The following GNA12 variants were observed in gnomAD, a reference collection of about 807,000 sequenced individuals.
GNA12 encodes the protein guanine nucleotide-binding protein subunit alpha-12.
GNA12 carries 9 observed loss-of-function variants against 26.0 expected under a neutral mutation model. The observed-to-expected ratio is 0.35, with a 90% CI of 0.21 to 0.60. The LOEUF is 0.60. Ranked by LOEUF, GNA12 falls within the 20% of genes least tolerant of loss-of-function variation. The probability of loss-of-function intolerance (pLI) is 0.78; values close to 1 mark genes in which losing one functional copy is unlikely to be tolerated. For missense variants in GNA12, 405 were observed against 525.8 expected, an observed-to-expected ratio of 0.77 and a Z score of 2.25; for synonymous variants, 264 against 219.6, an observed-to-expected ratio of 1.20 and a Z score of -1.79.
chr7:2,766,675 C>T (rs778276839), intron 2 of GNA12, among the ~76,000 whole-genome samples: 10 of 152,126 alleles, frequency 6.6e-5, no homozygotes, highest in South Asian at 2.1e-4. Context: ...TGTGAGCCAC[C>T]GCACCTGGCC....
At chr7:2,735,578 A>AT (rs998207845) in intron 2 of GNA12, among the ~76,000 whole-genome samples, 11 of 151,918 alleles carry the variant, frequency 7.2e-5, no homozygotes, top group African/African-American at 2.7e-4. Context: ...GAGTCTAAAC[A>AT]CCCCTCGAGT....
At chr7:2,768,269 G>A (rs999218445) in intron 2 of GNA12, among the ~76,000 whole-genome samples, 17 of 152,174 alleles carry the variant, frequency 1.1e-4, no homozygotes, top group Non-Finnish European at 2.1e-4. Context: ...AATGGTTTCT[G>A]TTTTCCAAGT....
chr7:2,744,149 G>T (rs924245561), intron 2 of GNA12, among the ~76,000 whole-genome samples: 4 of 152,222 alleles, frequency 2.6e-5, no homozygotes, highest in African/African-American at 7.2e-5. Context: ...AAATGTCCCC[G>T]TCTGACAGCT....
At chr7:2,750,445 C>T (rs1362811850) in intron 2 of GNA12, among the ~76,000 whole-genome samples, 1 of 152,210 alleles carries the variant, frequency 6.6e-6, no homozygotes, top group Non-Finnish European at 1.5e-5. Context: ...TCAGTGGATG[C>T]CTGAAGCCTT....
In GNA12 at chr7:2,752,103, T is replaced by C. The variant is rs144993375; in HGVS notation, c.526-18602A>G. 3.8e-3 allele frequency among the ~76,000 whole-genome samples: 572 copies of C among 152,206 alleles called. 5 individuals are homozygous for C. Among genetic ancestry groups the C allele is most frequent in the Non-Finnish European group, 5.8e-3 (392 of 68,004 alleles). On this transcript the variant is annotated intron_variant, in intron 2 of 3. Coordinates refer to ENST00000275364, the MANE Select transcript of GNA12 (RefSeq NM_007353.3). ...AAAGACACAATATCTTTAACAAAACTTTAGCAATTTAAACCTAACTACATA... is the reference window on the plus strand; with the variant it reads ...AAAGACACAATATCTTTAACAAAACCTTAGCAATTTAAACCTAACTACATA...
At chr7:2,784,478 A>G (rs971901178) in intron 2 of GNA12, among the ~76,000 whole-genome samples, 3 of 152,256 alleles carry the variant, frequency 2.0e-5, no homozygotes, top group Non-Finnish European at 1.5e-5. Context: ...AATTACTGCC[A>G]AAGAATAGAA....
rs1243916198 is a variant in GNA12 at position 2,824,946 on chromosome 7, G to A, written c.309+18907C>T. ...GTCCAAGAACCACTTTCCGACTAAAGACAAGGGAGGAGGCCCCTCTCCCTC... is the reference window on the plus strand; with the variant it reads ...GTCCAAGAACCACTTTCCGACTAAAAACAAGGGAGGAGGCCCCTCTCCCTC... On this transcript the variant is annotated intron_variant, in intron 1 of 3. Transcript: ENST00000275364. 2.0e-5 allele frequency among the ~76,000 whole-genome samples: 3 copies of A among 152,074 alleles called. No individual in the cohort carries two copies. In the East Asian group the frequency reaches 5.9e-4, roughly 30 times the overall value.
rs578232050 is a variant in GNA12, at chr7:2,843,785, G to A, written c.309+68C>T. 7.3e-6 allele frequency: 6 copies of A among 826,178 alleles called. No homozygotes were observed. In the South Asian group the frequency reaches 1.3e-4, roughly 18 times the overall value. The allele number at this position is 826,178 out of a possible 1,614,324, so 51.2% of individuals were successfully genotyped here. On this transcript the variant is annotated intron_variant, in intron 1 of 3. Coordinates refer to ENST00000275364, the MANE Select transcript of GNA12 (RefSeq NM_007353.3). The stretch of plus-strand genomic sequence containing the variant: ...CCGCCCGCGGCGGCGGACCACGGAG[G>A]GGCCCGGGGCGGGGGTTAGCGCCCC...
At chr7:2,789,723 C>G (rs1052870459) in intron 2 of GNA12, among the ~76,000 whole-genome samples, 6 of 152,164 alleles carry the variant, frequency 3.9e-5, no homozygotes, top group Non-Finnish European at 7.3e-5. Context: ...CCTAAACCAA[C>G]CACGCACAGC....
At chr7:2,773,969 G>A (rs572517432) in intron 2 of GNA12, among the ~76,000 whole-genome samples, 23 of 152,286 alleles carry the variant, frequency 1.5e-4, no homozygotes, top group Non-Finnish European at 3.1e-4. Flanking sequence ...TGGAAGAACC[G>A]CACAAAACGA....
At chr7:2,825,634 T>C (rs1322957284) in intron 1 of GNA12, among the ~76,000 whole-genome samples, 2 of 152,066 alleles carry the variant, frequency 1.3e-5, no homozygotes, top group South Asian at 2.1e-4. Context: ...ATCGAGCTGA[T>C]GGGAGGCTGA....
intron 1 of GNA12, among the ~76,000 whole-genome samples, chr7:2,829,548 T>C (rs1793555967): frequency 6.6e-6 from 1 of 152,226 alleles, no homozygotes; most frequent in Non-Finnish European, 1.5e-5. Context: ...CATTTCCCTG[T>C]GCATCTCATG....
intron 1 of GNA12, among the ~76,000 whole-genome samples, chr7:2,812,636 A>AACATAACATC (rs1793107906): frequency 3.0e-5 from 4 of 134,094 alleles, no homozygotes; most frequent in South Asian, 2.6e-4. Context: ...TCTCAAAAAT[A>AACATAACATC]ACATCACATC....
intron 2 of GNA12, among the ~76,000 whole-genome samples, chr7:2,761,793 G>T (rs1403178706): frequency 6.6e-6 from 1 of 152,190 alleles, no homozygotes; most frequent in Non-Finnish European, 1.5e-5. Context: ...ATTAAAACGT[G>T]AAGAGATGAC....
intron 2 of GNA12, among the ~76,000 whole-genome samples, chr7:2,794,154 C>A (rs1031957922): frequency 6.6e-6 from 1 of 152,026 alleles, no homozygotes. Flanking sequence ...TCAAGACTGT[C>A]GTGTTTACAA....
chr7:2,749,940 T>G (rs762319093), intron 2 of GNA12, among the ~76,000 whole-genome samples: 1 of 152,144 alleles, frequency 6.6e-6, no homozygotes, highest in Non-Finnish European at 1.5e-5. Flanking sequence ...ACACAAGTAG[T>G]TGGAATCTCA....
At chr7:2,737,260 C>T (rs1790230379) in intron 2 of GNA12, among the ~76,000 whole-genome samples, 1 of 136,890 alleles carries the variant, frequency 7.3e-6, no homozygotes, top group Non-Finnish European at 1.5e-5. Context: ...GGAGCTATCT[C>T]ACAGTTTTGT....
chr7:2,804,035 A>G (rs1001501109), intron 1 of GNA12, among the ~76,000 whole-genome samples: 2 of 152,192 alleles, frequency 1.3e-5, no homozygotes, highest in Non-Finnish European at 2.9e-5. Flanking sequence ...ATCTCCCTTC[A>G]CTAAAAATTT....
intron 2 of GNA12, among the ~76,000 whole-genome samples, chr7:2,736,092 A>G (rs1223092209): frequency 6.6e-6 from 1 of 152,224 alleles, no homozygotes; most frequent in Non-Finnish European, 1.5e-5. Flanking sequence ...CAGCTCATTA[A>G]AAGGGCCAGG....
Sources: gnomAD v4.1 joint callset for allele counts (sites outside exome capture counted in the v4.1 genomes callset) on GRCh38, gnomAD v4.1.1 for gene constraint, MANE v1.5 for transcripts, NCBI Gene and HGNC (gene_info 2026-07-23, HGNC 2026-07-21) for gene names.